The following UBE2L3 variants were observed in gnomAD, a reference collection of about 807,000 sequenced individuals.
UBE2L3 encodes the protein ubiquitin-conjugating enzyme E2 L3.
In UBE2L3, 1 loss-of-function variant was observed where a neutral mutation model predicts 17.8. The ratio of observed to expected loss-of-function variants is 0.06; its 90% CI spans 0.02 to 0.27. UBE2L3 has a LOEUF of 0.27. UBE2L3 is among the 10% of genes least tolerant of loss of function. UBE2L3 has a pLI of 1.00. For missense variants in UBE2L3, 40 were observed against 192.6 expected, an observed-to-expected ratio of 0.21 and a Z score of 4.69; for synonymous variants, 44 against 68.5, an observed-to-expected ratio of 0.64 and a Z score of 1.76.
At position 21,559,548 on chromosome 22, in the gene UBE2L3, C is replaced by T. The variant is rs1015758850; in HGVS notation, c.201+9898C>T. On this transcript the variant is annotated intron_variant, in intron 1 of 3. Transcript: ENST00000458578. The stretch of plus-strand genomic sequence containing the variant: ...ATGTGGTGCTCATGGGGAGAAGAGC[C>T]GCATCAGAGCAGGCTTCCTGCATGA... 5.3e-5 allele frequency among the ~76,000 whole-genome samples: 8 copies of T among 151,948 alleles called. No homozygotes were observed. The East Asian group carries it at 1.2e-3, about 22-fold the overall frequency.
At position 21,610,871 on chromosome 22, in the gene UBE2L3, T is replaced by C. The variant is rs888491910; in HGVS notation, c.138T>C (p.Tyr46=). ...QGLIVPDNPP[Y]DKGAFRIEIN... ...TTTCCTTCCAGGACAACCCTCCATA[T>C]GATAAGGGAGCCTTCAGAATCGAAA... The change falls in exon 3 of 4, where the codon TAT becomes TAC. Residue 46 remains tyrosine, a synonymous_variant. Coordinates refer to ENST00000342192, the MANE Select transcript of UBE2L3 (RefSeq NM_003347.4). 1 of 1,609,978 alleles carries C rather than the reference T, an allele frequency of 6.2e-7. No individual in the cohort carries two copies.
At position 21,588,894 on chromosome 22, in the gene UBE2L3, C is replaced by T. The variant is rs1038554018; in HGVS notation, c.28-3967C>T. Among the ~76,000 whole-genome samples, 7 of 151,966 alleles carry T rather than the reference C, an allele frequency of 4.6e-5. No individual in the cohort carries two copies. In the South Asian group the frequency reaches 1.0e-3, roughly 23 times the overall value. On this transcript the variant is annotated intron_variant, in intron 1 of 3. Transcript: ENST00000342192. The stretch of plus-strand genomic sequence containing the variant: ...GGCCAGGCTGGTCTTGAACTCCTGA[C>T]CTCGTGATCTACCTGCCTTGGCCTC...
rs1390144066 is a variant in UBE2L3 at position 21,602,796 on chromosome 22, G to A, written c.124-8061G>A. On this transcript the variant is annotated intron_variant, in intron 2 of 3. Coordinates refer to ENST00000342192, the MANE Select transcript of UBE2L3 (RefSeq NM_003347.4). ...TTTATTGGATGTTGGTGGAAGACTC[G>A]AGAAAAGGGCCAGTTCCCCTCGTCC... is the stretch of plus-strand genomic sequence containing the variant. Among the ~76,000 whole-genome samples the A allele has an allele frequency of 2.0e-5, 3 of 152,194 alleles. No individual in the cohort carries two copies. The South Asian group carries it at 6.2e-4, about 32-fold the overall frequency.
rs539705781 is a variant in UBE2L3, at chr22:21,596,818, C to G, written c.123+3862C>G. ...GTCTTAAATTTCCACTACAAAGGTT[C>G]CAGTTCATCCACATCCTTGCTAACA... is the stretch of plus-strand genomic sequence containing the variant. On this transcript the variant is annotated intron_variant, in intron 2 of 3. Coordinates refer to ENST00000342192, the MANE Select transcript of UBE2L3 (RefSeq NM_003347.4). Among the ~76,000 whole-genome samples the G allele has an allele frequency of 9.2e-5, 14 of 152,228 alleles. No individual in the cohort carries two copies. In the South Asian group the frequency reaches 1.5e-3, roughly 16 times the overall value.
intron 3 of UBE2L3, among the ~76,000 whole-genome samples, chr22:21,613,301 C>T (rs1929601622): frequency 6.6e-6 from 1 of 152,210 alleles, no homozygotes; most frequent in Non-Finnish European, 1.5e-5. Context: ...AAATGCTCTG[C>T]TTTTTCAGAC....
intron 3 of UBE2L3, among the ~76,000 whole-genome samples, chr22:21,613,565 A>AT (rs1248941624): frequency 6.6e-6 from 1 of 152,180 alleles, no homozygotes; most frequent in Non-Finnish European, 1.5e-5. Context: ...TACATCAAGA[A>AT]TGTTGTTCCT....
chr22:21,561,688 T>C (rs1926438259), intron 1 of UBE2L3, among the ~76,000 whole-genome samples: 1 of 152,198 alleles, frequency 6.6e-6, no homozygotes, highest in South Asian at 2.1e-4. Flanking sequence ...TGGGAGGGAA[T>C]GGCAAAGGCA....
intron 3 of UBE2L3, among the ~76,000 whole-genome samples, chr22:21,612,935 C>T (rs757435465): frequency 6.6e-6 from 1 of 152,156 alleles, no homozygotes; most frequent in East Asian, 1.9e-4. Flanking sequence ...TCATGCCCGG[C>T]GAGCCTGGTT....
intron 1 of UBE2L3, among the ~76,000 whole-genome samples, chr22:21,573,208 G>A (rs114816384): frequency 0.012 from 1,780 of 152,234 alleles, 39 homozygotes; most frequent in African/African-American, 0.04. Flanking sequence ...CTCAGAGATT[G>A]GAGCAGAATT....
intron 1 of UBE2L3, among the ~76,000 whole-genome samples, chr22:21,558,239 C>T (rs1926307273): frequency 1.3e-5 from 2 of 151,912 alleles, no homozygotes; most frequent in African/African-American, 4.8e-5. Flanking sequence ...GAATGGGCTC[C>T]ATCCTGAGAG....
chr22:21,621,095 G>A (rs892494808), intron 3 of UBE2L3, among the ~76,000 whole-genome samples: 4 of 152,118 alleles, frequency 2.6e-5, no homozygotes, highest in Admixed American at 6.5e-5. Context: ...GTCAACCCAG[G>A]AGGTTGAGGC....
intron 3 of UBE2L3, among the ~76,000 whole-genome samples, chr22:21,620,143 C>T (rs1192457897): frequency 6.6e-6 from 1 of 151,924 alleles, no homozygotes; most frequent in Non-Finnish European, 1.5e-5. Flanking sequence ...AAAACTAGGC[C>T]AGGAGCAGTG....
Position 21,600,552 on chromosome 22 carries a change from C to T in UBE2L3, c.123+7596C>T, listed in dbSNP as rs899836297. On this transcript the variant is annotated intron_variant, in intron 2 of 3. Coordinates refer to ENST00000342192, the MANE Select transcript of UBE2L3 (RefSeq NM_003347.4). ...CTCTACTAAAAATATAAAAATTAGC[C>T]GGGCGTGGTGGCAGGCATCTGTAAT... is the stretch of plus-strand genomic sequence containing the variant. Among the ~76,000 whole-genome samples the T allele has an allele frequency of 3.3e-5, 5 of 152,012 alleles. No homozygotes were observed. The South Asian group carries it at 6.2e-4, about 19-fold the overall frequency.
chr22:21,565,239 C>A (rs572749738), upstream of UBE2L3, among the ~76,000 whole-genome samples: 1 of 151,832 alleles, frequency 6.6e-6, no homozygotes, highest in African/African-American at 2.4e-5. Context: ...AATACAGGCG[C>A]CCGCCACCAC....
Position 21,557,683 on chromosome 22 carries a change from C to T in UBE2L3, c.201+8033C>T, listed in dbSNP as rs537213410. Among the ~76,000 whole-genome samples, 38 of 152,326 alleles carry T rather than the reference C, an allele frequency of 2.5e-4. No homozygotes were observed. In the East Asian group the frequency reaches 5.8e-3, roughly 23 times the overall value. ...GAATACAGGTGCCCGCCACCGAGCC[C>T]GGCTAATTTTTGTATTTTTAGTAGA... On this transcript the variant is annotated intron_variant, in intron 1 of 3. Coordinates refer to the UBE2L3 transcript ENST00000458578.
intron 1 of UBE2L3, among the ~76,000 whole-genome samples, chr22:21,558,790 G>A (rs1171065798): frequency 5.7e-4 from 87 of 152,206 alleles, no homozygotes; most frequent in African/African-American, 1.4e-3. Context: ...ACACCCAGCC[G>A]CATATTTTTT....
chr22:21,585,252 G>T (rs1927874317), intron 1 of UBE2L3, among the ~76,000 whole-genome samples: 1 of 152,188 alleles, frequency 6.6e-6, no homozygotes, highest in Non-Finnish European at 1.5e-5. Flanking sequence ...CAAACGATTG[G>T]TCAGCTAAAC....
intron 2 of UBE2L3, among the ~76,000 whole-genome samples, chr22:21,600,038 G>A (rs546004782): frequency 3.0e-4 from 46 of 152,328 alleles, no homozygotes; most frequent in African/African-American, 1.1e-3. Flanking sequence ...CTGGCCGGGC[G>A]CGGTGGCTCA....
rs186529812 is a variant in UBE2L3 at position 21,588,957 on chromosome 22, C to T, written c.28-3904C>T. On this transcript the variant is annotated intron_variant, in intron 1 of 3. Transcript: ENST00000342192. ...GATTACAGGCGTGAGCCACTGCACC[C>T]GGGCTGTATTTTTTTTAGTGGAGAC... Among the ~76,000 whole-genome samples the T allele has an allele frequency of 1.8e-4, 27 of 152,072 alleles. No individual in the cohort carries two copies. In the South Asian group the frequency reaches 5.0e-3, roughly 28 times the overall value.
Sources: allele counts gnomAD v4.1 joint callset (sites outside exome capture counted in the v4.1 genomes callset), GRCh38; gene constraint gnomAD v4.1.1; transcripts MANE v1.5; gene names NCBI Gene and HGNC (gene_info 2026-07-23, HGNC 2026-07-21).